GALNT18: variants seen among roughly 807,000 people sequenced by gnomAD.
GALNT18 encodes polypeptide N-acetylgalactosaminyltransferase 18.
GALNT18 carries 44 observed loss-of-function variants against 69.5 expected under a neutral mutation model. That is an observed-to-expected ratio of 0.63 (90% confidence interval 0.50 to 0.81). The LOEUF (loss-of-function observed/expected upper bound fraction) is 0.81. GALNT18 is among the 40% of genes least tolerant of loss of function. GALNT18 has a pLI of 0.00. For missense variants in GALNT18, 715 were observed against 810.0 expected (o/e 0.88, Z 1.42); for synonymous variants, 364 against 318.2 (o/e 1.14, Z -1.53).
At chr11:11,352,492 C>G (rs774332368) in intron 6 of GALNT18, 4 of 1,614,000 alleles carry the variant, frequency 2.5e-6, no homozygotes, top group East Asian at 2.2e-5. Flanking sequence ...AAACTATAAT[C>G]GTACATCTGA....
intron 8 of GALNT18, among the ~76,000 whole-genome samples, chr11:11,331,903 G>A (rs564718553): frequency 3.3e-5 from 5 of 152,146 alleles, no homozygotes; most frequent in South Asian, 4.2e-4. Flanking sequence ...TGACCTGTAC[G>A]GTCCAGGGAA....
At chr11:11,450,238 G>A (rs1288200144) in intron 1 of GALNT18, among the ~76,000 whole-genome samples, 2 of 152,224 alleles carry the variant, frequency 1.3e-5, no homozygotes, top group Non-Finnish European at 2.9e-5. Flanking sequence ...CCCCTTGTTG[G>A]CCTGTATGGA....
At chr11:11,526,858 G>A (rs547250876) in intron 1 of GALNT18, among the ~76,000 whole-genome samples, 8 of 152,222 alleles carry the variant, frequency 5.3e-5, no homozygotes, top group South Asian at 4.2e-4. Flanking sequence ...TTACTCTCCC[G>A]CAGGAGCACA....
intron 9 of GALNT18, among the ~76,000 whole-genome samples, chr11:11,304,336 C>T (rs1423106453): frequency 2.6e-5 from 4 of 152,084 alleles, no homozygotes; most frequent in Non-Finnish European, 1.5e-5. Context: ...ATAATGACCC[C>T]CTCCCTTCAA....
chr11:11,479,250 T>G (rs1442498108), intron 1 of GALNT18, among the ~76,000 whole-genome samples: 1 of 145,620 alleles, frequency 6.9e-6, no homozygotes, highest in Non-Finnish European at 1.5e-5. Context: ...GTTTACATCA[T>G]GGAAGTCTCC....
rs963083151 is a variant in GALNT18 at position 11,613,350 on chromosome 11, T to C, written c.235+8009A>G. ...ACTGTGCTGTGGAGCAGTTGTGAGG[T>C]AATTAGTGAGTAACAATAATTTAAG... On this transcript the variant is annotated intron_variant, in intron 1 of 10. Coordinates refer to ENST00000227756, the MANE Select transcript of GALNT18 (RefSeq NM_198516.3). This position sits in a 1 kb window ranked among gnomAD's most constrained non-coding sequence, Gnocchi z 4.2. Among the ~76,000 whole-genome samples, 3 of 152,124 alleles carry C rather than the reference T, an allele frequency of 2.0e-5. No homozygotes were observed. The highest frequency in any genetic ancestry group is 7.2e-5 in the African/African-American group (3 of 41,420).
rs1158559156 is a variant in GALNT18, at chr11:11,315,451, T to C, written c.1512+11635A>G. ...AGGATACGTTAGGCATGGGTCTTCATGGATTCTCAAAGGGCTGCTGGAATG... is the reference window on the plus strand; with the variant it reads ...AGGATACGTTAGGCATGGGTCTTCACGGATTCTCAAAGGGCTGCTGGAATG... On this transcript the variant is annotated intron_variant, in intron 9 of 10. Transcript: ENST00000227756. This position sits in a 1 kb window ranked among gnomAD's most constrained non-coding sequence, Gnocchi z 5.6. Among the ~76,000 whole-genome samples, 1 of 152,198 alleles carries C rather than the reference T, an allele frequency of 6.6e-6. No homozygotes were observed. Among genetic ancestry groups the C allele is most frequent in the Non-Finnish European group, 1.5e-5 (1 of 68,040 alleles).
rs565043057 is a variant in GALNT18, at chr11:11,511,718, A to G, written c.236-62782T>C. On this transcript the variant is annotated intron_variant, in intron 1 of 10. Coordinates refer to ENST00000227756, the MANE Select transcript of GALNT18 (RefSeq NM_198516.3). The surrounding 1 kb of genome is among the most constrained non-coding windows in gnomAD (Gnocchi z 4.9). ...TAAGGGTGGAGCCCTCATCAATGGT[A>G]TATTGGTGCCCTTCTAAGAAGAGGC... Among the ~76,000 whole-genome samples the G allele has an allele frequency of 9.2e-5, 14 of 152,076 alleles. No individual in the cohort carries two copies. Among genetic ancestry groups the G allele is most frequent in the Non-Finnish European group, 1.9e-4 (13 of 68,006 alleles).
intron 1 of GALNT18, among the ~76,000 whole-genome samples, chr11:11,570,886 C>T (rs4472929): frequency 0.84 from 127,627 of 152,202 alleles, 53,701 homozygotes; most frequent in South Asian, 0.92. Context: ...CCAAATTATC[C>T]CCACATCTTC....
chr11:11,598,949 T>C lies in GALNT18; in HGVS notation c.235+22410A>G, dbSNP rs1036105912. Reference sequence around the variant, plus strand: ...TTTCACGTGGCCAGAGAATGTACTTTGTTCATTTTAAAGGATGAGTTCAAT... The same window carrying C: ...TTTCACGTGGCCAGAGAATGTACTTCGTTCATTTTAAAGGATGAGTTCAAT... On this transcript the variant is annotated intron_variant, in intron 1 of 10. Coordinates refer to ENST00000227756, the MANE Select transcript of GALNT18 (RefSeq NM_198516.3). The surrounding 1 kb of genome is among the most constrained non-coding windows in gnomAD (Gnocchi z 4.8). Among the ~76,000 whole-genome samples, 3 of 152,164 alleles carry C rather than the reference T, an allele frequency of 2.0e-5. No homozygotes were observed. The highest frequency in any genetic ancestry group is 7.2e-5 in the African/African-American group (3 of 41,440).
intron 9 of GALNT18, among the ~76,000 whole-genome samples, chr11:11,323,901 A>G (rs1849875889): frequency 6.6e-6 from 1 of 152,062 alleles, no homozygotes; most frequent in Non-Finnish European, 1.5e-5. Context: ...TTTCAGAAAG[A>G]GCTTTCTCAG....
rs1202258050 is a variant in GALNT18, at chr11:11,555,743, C to A, written c.235+65616G>T. On this transcript the variant is annotated intron_variant, in intron 1 of 10. Coordinates refer to ENST00000227756, the MANE Select transcript of GALNT18 (RefSeq NM_198516.3). This position sits in a 1 kb window ranked among gnomAD's most constrained non-coding sequence, Gnocchi z 4.7. ...AAGGGTGCACCTCCCTCAGCCAGAA[C>A]CTCCTCAGATCAGGGGCCTCCTCAG... Among the ~76,000 whole-genome samples, 6 of 152,208 alleles carry A rather than the reference C, an allele frequency of 3.9e-5. No homozygotes were observed. Among genetic ancestry groups the A allele is most frequent in the Admixed American group, 2.6e-4 (4 of 15,280 alleles).
At chr11:11,527,269 C>A (rs1857545007) in intron 1 of GALNT18, among the ~76,000 whole-genome samples, 1 of 152,208 alleles carries the variant, frequency 6.6e-6, no homozygotes, top group Non-Finnish European at 1.5e-5. Flanking sequence ...AAATCTGGCA[C>A]AGAACCTATG....
intron 1 of GALNT18, among the ~76,000 whole-genome samples, chr11:11,611,275 A>G (rs1351802563): frequency 7.9e-5 from 12 of 152,206 alleles, no homozygotes; most frequent in African/African-American, 2.4e-4. Context: ...GCTTTCCTTT[A>G]CAGCAATTGT....
intron 8 of GALNT18, 56 bp from the exon 9 acceptor site, chr11:11,327,237 T>G: frequency 7.9e-7 from 1 of 1,272,184 alleles, no homozygotes; most frequent in South Asian, 1.2e-5. Context: ...AGAGAGCAAA[T>G]GAATTAACTC....
At chr11:11,418,832 T>C (rs529817162) in intron 3 of GALNT18, among the ~76,000 whole-genome samples, 102 of 152,334 alleles carry the variant, frequency 6.7e-4, no homozygotes, top group Middle Eastern at 3.4e-3. Flanking sequence ...AGGTGTGTGA[T>C]GTTGGGAAAC....
intron 1 of GALNT18, among the ~76,000 whole-genome samples, chr11:11,509,096 C>CAG (rs564049643): frequency 1.7e-3 from 266 of 152,216 alleles, no homozygotes; most frequent in African/African-American, 6.1e-3. Context: ...TTTCCCTTGC[C>CAG]CATTCTGAAT....
chr11:11,352,278 C>T, intron 6 of GALNT18: 1 of 1,614,058 alleles, frequency 6.2e-7, no homozygotes, highest in Non-Finnish European at 8.5e-7. Context: ...AAAGCGTTCC[C>T]ATCGCTTTCG....
intron 3 of GALNT18, among the ~76,000 whole-genome samples, chr11:11,408,994 ACTCCTC>A (rs1279883312): frequency 1.3e-5 from 2 of 151,868 alleles, no homozygotes; most frequent in Admixed American, 6.6e-5. Context: ...CTAATCACCA[ACTCCTC>A]CAACTTTGAC....
Sources: allele counts gnomAD v4.1 joint callset (sites outside exome capture counted in the v4.1 genomes callset), GRCh38; gene constraint gnomAD v4.1.1; non-coding constraint Gnocchi (gnomAD v3.1); transcripts MANE v1.5; gene names NCBI Gene and HGNC (gene_info 2026-07-23, HGNC 2026-07-21).